NPAS3: variants seen among roughly 807,000 people sequenced by gnomAD.
NPAS3 encodes neuronal PAS domain protein 3.
In NPAS3, 14 loss-of-function variants were observed where a neutral mutation model predicts 73.1. The ratio of observed to expected loss-of-function variants is 0.19; its 90% CI spans 0.13 to 0.30. The LOEUF is 0.30. Ranked by LOEUF, NPAS3 falls within the 10% of genes least tolerant of loss-of-function variation. The probability of loss-of-function intolerance (pLI) is 1.00; values close to 1 mark genes in which losing one functional copy is unlikely to be tolerated. For synonymous variants in NPAS3, 620 were observed against 541.5 expected, an observed-to-expected ratio of 1.14 and a Z score of -2.01; for missense variants, 1,096 against 1,250.0, an observed-to-expected ratio of 0.88 and a Z score of 1.86.
chr14:33,683,409 A>G (rs1474921310), intron 6 of NPAS3, among the ~76,000 whole-genome samples: 1 of 104,366 alleles, frequency 9.6e-6, no homozygotes, highest in African/African-American at 3.9e-5. Flanking sequence ...GTTAATTATG[A>G]CCTGTTTTTC....
At chr14:33,058,203 A>C (rs2040958091) in intron 2 of NPAS3, among the ~76,000 whole-genome samples, 1 of 152,040 alleles carries the variant, frequency 6.6e-6, no homozygotes. Flanking sequence ...TATTATCAAG[A>C]GTAGGGAGAT....
At chr14:33,745,316 C>T (rs191021640) in intron 7 of NPAS3, among the ~76,000 whole-genome samples, 5 of 152,194 alleles carry the variant, frequency 3.3e-5, no homozygotes, top group African/African-American at 1.2e-4. Context: ...ATGTATGTTA[C>T]CGTTTGACCT....
intron 3 of NPAS3, among the ~76,000 whole-genome samples, chr14:33,316,592 A>G (rs1432433410): frequency 6.6e-6 from 1 of 152,100 alleles, no homozygotes; most frequent in Non-Finnish European, 1.5e-5. Context: ...GACTAATAAA[A>G]TTAATCTCTT....
intron 3 of NPAS3, among the ~76,000 whole-genome samples, chr14:33,249,056 C>T (rs980610719): frequency 2.0e-5 from 3 of 152,122 alleles, no homozygotes; most frequent in African/African-American, 7.2e-5. Flanking sequence ...CTTGCAGTCC[C>T]TCCAAGTCAG....
At chr14:33,353,885 C>T (rs377181274) in intron 3 of NPAS3, among the ~76,000 whole-genome samples, 2 of 152,020 alleles carry the variant, frequency 1.3e-5, no homozygotes, top group African/African-American at 2.4e-5. Context: ...TTTCCCTATC[C>T]GATTCTAGTT....
At position 33,800,813 on chromosome 14, in the gene NPAS3, G is replaced by A. The variant is rs2063690023; in HGVS notation, c.2506G>A (p.Val836Met). 6.2e-7 allele frequency: 1 copy of A among 1,600,452 alleles called. No individual in the cohort carries two copies. Among genetic ancestry groups the A allele is most frequent in the Non-Finnish European group, 8.5e-7 (1 of 1,174,208 alleles). The change falls in exon 12 of 12, where the codon GTG (valine) becomes ATG (methionine). Residue 836 changes from valine (V) to methionine (M), a missense_variant. Around this residue, in one of 5 missense-constraint regions of NPAS3, gnomAD observed 698 missense variants for 676.7 expected, o/e 1.03. Coordinates refer to ENST00000356141, the Ensembl canonical transcript of NPAS3. The surrounding 1 kb of genome is among the most constrained non-coding windows in gnomAD (Gnocchi z 6.5). ...CACCATCCGCTACGCGCCCGCCGAGGTGACCCTGGCCATGCAGAGCAACCT... is the reference window on the plus strand; with the variant it reads ...CACCATCCGCTACGCGCCCGCCGAGATGACCCTGGCCATGCAGAGCAACCT...
Position 33,136,412 on chromosome 14 carries a change from C to T in NPAS3, c.141-78770C>T, listed in dbSNP as rs186377095. Among the ~76,000 whole-genome samples the T allele has an allele frequency of 2.6e-3, 394 of 152,222 alleles. 2 individuals carry two copies. Among genetic ancestry groups the T allele is most frequent in the African/African-American group, 8.9e-3 (368 of 41,542 alleles). On this transcript the variant is annotated intron_variant, in intron 2 of 11. Transcript: ENST00000356141. ...TCTTCGGTTCTGAAAAAACACAAAA[C>T]GACAACCATGTCCATGATAACCTTT...
chr14:33,419,479 A>C (rs1023201348), intron 4 of NPAS3, among the ~76,000 whole-genome samples: 4 of 151,828 alleles, frequency 2.6e-5, no homozygotes, highest in African/African-American at 9.7e-5. Flanking sequence ...AAATATCTTT[A>C]TGTAGTTCTT....
At chr14:33,679,850 T>C (rs1022021623) in intron 6 of NPAS3, among the ~76,000 whole-genome samples, 1 of 152,184 alleles carries the variant, frequency 6.6e-6, no homozygotes, top group Non-Finnish European at 1.5e-5. Flanking sequence ...AAAAAAAAGA[T>C]CCATTGATTG....
At chr14:33,215,783 G>T (rs1248161627) in intron 3 of NPAS3, among the ~76,000 whole-genome samples, 1 of 152,072 alleles carries the variant, frequency 6.6e-6, no homozygotes, top group Admixed American at 6.6e-5. Flanking sequence ...TTAAAGCATA[G>T]AGCTGACATT....
chr14:33,636,077 C>T (rs993280954), intron 5 of NPAS3, among the ~76,000 whole-genome samples: 9 of 152,204 alleles, frequency 5.9e-5, no homozygotes, highest in African/African-American at 1.4e-4. Flanking sequence ...TGCACCACCA[C>T]GCCTGGCTAA....
intron 4 of NPAS3, among the ~76,000 whole-genome samples, chr14:33,529,319 G>T (rs2053939335): frequency 1.3e-5 from 2 of 152,006 alleles, no homozygotes; most frequent in Non-Finnish European, 2.9e-5. Flanking sequence ...TGCCATCAGG[G>T]TGCTTAACTA....
At position 33,132,457 on chromosome 14, in the gene NPAS3, T is replaced by C. The variant is rs2043675384; in HGVS notation, c.140+76463T>C. The stretch of plus-strand genomic sequence containing the variant: ...AAACCATACATACCTGTTCACTTAA[T>C]GAGAAAATAATGAGACTACAAGTTT... On this transcript the variant is annotated intron_variant, in intron 2 of 11. Coordinates refer to ENST00000356141, the Ensembl canonical transcript of NPAS3. Among the ~76,000 whole-genome samples the C allele has an allele frequency of 3.3e-5, 5 of 152,074 alleles. No individual in the cohort carries two copies. The South Asian group carries it at 1.0e-3, about 32-fold the overall frequency.
intron 2 of NPAS3, among the ~76,000 whole-genome samples, chr14:33,083,178 CAAAAAAA>C (rs57147759): frequency 6.2e-5 from 4 of 65,026 alleles, no homozygotes; most frequent in Non-Finnish European, 1.0e-4. Context: ...GAGACTGTCT[CAAAAAAA>C]AAAAAAAAAA....
chr14:32,958,600 A>T (rs186341620), intron 1 of NPAS3, among the ~76,000 whole-genome samples: 1 of 152,294 alleles, frequency 6.6e-6, no homozygotes. Flanking sequence ...AAGACTGAAG[A>T]TGCTGACAAC....
intron 4 of NPAS3, among the ~76,000 whole-genome samples, chr14:33,462,225 G>A (rs1315862628): frequency 3.3e-5 from 5 of 152,126 alleles, no homozygotes; most frequent in East Asian, 1.9e-4. Context: ...TAGGCAAGTC[G>A]AACAACCTTT....
chr14:33,487,046 G>A (rs1451676728), intron 4 of NPAS3, among the ~76,000 whole-genome samples: 1 of 152,178 alleles, frequency 6.6e-6, no homozygotes, highest in African/African-American at 2.4e-5. Context: ...TGCCTAGGAA[G>A]AGTCTAAAAT....
intron 5 of NPAS3, among the ~76,000 whole-genome samples, chr14:33,652,883 T>C (rs960274299): frequency 2.0e-5 from 3 of 152,008 alleles, no homozygotes; most frequent in African/African-American, 7.2e-5. Context: ...GCTTGCTGTA[T>C]TCACCCCCAT....
At chr14:33,162,778 A>C (rs1319208976) in intron 2 of NPAS3, among the ~76,000 whole-genome samples, 1 of 152,212 alleles carries the variant, frequency 6.6e-6, no homozygotes, top group Non-Finnish European at 1.5e-5. Context: ...AGATGGTATT[A>C]AATCTGTACA....
Sources: allele counts gnomAD v4.1 joint callset (sites outside exome capture counted in the v4.1 genomes callset), GRCh38; gene constraint gnomAD v4.1.1; regional missense constraint gnomAD v4.1.1; non-coding constraint Gnocchi (gnomAD v3.1); transcripts MANE v1.5; gene names NCBI Gene and HGNC (gene_info 2026-07-23, HGNC 2026-07-21).